SARDH: variants seen among roughly 807,000 people sequenced by gnomAD.
SARDH encodes sarcosine dehydrogenase.
SARDH carries 95 observed loss-of-function variants against 109.1 expected under a neutral mutation model. That is an observed-to-expected ratio of 0.87 (90% CI 0.74 to 1.03). The LOEUF (loss-of-function observed/expected upper bound fraction) is 1.03, where lower values mean the gene tolerates loss of function less well. Ranked by LOEUF, SARDH falls within the 50% of genes least tolerant of loss-of-function variation. SARDH has a pLI of 0.00. For missense variants in SARDH, 1,267 were observed against 1,287.8 expected (o/e 0.98, Z 0.25); for synonymous variants, 572 against 534.8 (o/e 1.07, Z -0.96).
At chr9:133,737,241 C>G (rs958437806) in intron 1 of SARDH, among the ~76,000 whole-genome samples, 2 of 152,186 alleles carry the variant, frequency 1.3e-5, no homozygotes, top group African/African-American at 2.4e-5. Flanking sequence ...GTCAGGGCTG[C>G]CCCCCATCTC....
chr9:133,716,151 G>A (rs1042281032), intron 8 of SARDH, among the ~76,000 whole-genome samples: 4 of 152,296 alleles, frequency 2.6e-5, no homozygotes, highest in East Asian at 3.9e-4. Flanking sequence ...CCTCCTGGCC[G>A]CCCGTCTGTG....
At chr9:133,691,169 AACACACACACACACAC>A (rs3081171) in intron 15 of SARDH, among the ~76,000 whole-genome samples, 27 of 112,192 alleles carry the variant, frequency 2.4e-4, no homozygotes, top group South Asian at 2.0e-3. Flanking sequence ...CACCTCCCCC[AACACACACACACACAC>A]ACACACACAC....
chr9:133,732,192 C>A (rs1310339327), intron 3 of SARDH, among the ~76,000 whole-genome samples: 1 of 152,074 alleles, frequency 6.6e-6, no homozygotes, highest in African/African-American at 2.4e-5. Context: ...GGGTGCCCAC[C>A]GACATGAGCC....
chr9:133,731,878 A>G (rs1402132824), intron 3 of SARDH, among the ~76,000 whole-genome samples: 1 of 152,132 alleles, frequency 6.6e-6, no homozygotes, highest in East Asian at 1.9e-4. Flanking sequence ...TTTGGGCCTG[A>G]GAGGTTTCCC....
chr9:133,669,855 A>G (rs1193922835), intron 19 of SARDH, among the ~76,000 whole-genome samples: 1 of 152,212 alleles, frequency 6.6e-6, no homozygotes, highest in East Asian at 1.9e-4. Flanking sequence ...CTGGGAGGTC[A>G]GGCTCCCTGG....
intron 1 of SARDH, among the ~76,000 whole-genome samples, chr9:133,736,635 A>G (rs1283783227): frequency 6.6e-6 from 1 of 152,202 alleles, no homozygotes; most frequent in Non-Finnish European, 1.5e-5. Context: ...ACCTCAGGTG[A>G]TCCGCCTGCC....
rs1359546031 is a variant in SARDH, at chr9:133,725,803, G to T, written c.915+3962C>A. On this transcript the variant is annotated intron_variant, in intron 6 of 20. Coordinates refer to ENST00000439388, the MANE Select transcript of SARDH (RefSeq NM_001134707.2). ...ACAAGACCGTTTAGAAAGCAAGCAGGCATGGCGTGTGGACTCCTCTGTACC... is the reference window on the plus strand; with the variant it reads ...ACAAGACCGTTTAGAAAGCAAGCAGTCATGGCGTGTGGACTCCTCTGTACC... The T allele has an allele frequency of 7.0e-5, 16 of 229,844 alleles. 1 individual carries two copies. In the South Asian group the frequency reaches 8.0e-4, roughly 12 times the overall value. 14.2% of individuals were successfully genotyped at this position (229,844 alleles called of 1,614,324 possible). A position where few individuals can be genotyped will look rare whatever the true frequency, so the allele number is the denominator to read the frequency against.
In SARDH at chr9:133,704,875, G is replaced by T. The variant is rs536004289; in HGVS notation, c.1554+73C>A. ...GCGGGGCACACGGAGGGGCAAGGAC[G>T]GGGCACGTGGAGGGGCAAGGGGGTT... On this transcript the variant is annotated intron_variant, in intron 12 of 20. Coordinates refer to ENST00000439388, the MANE Select transcript of SARDH (RefSeq NM_001134707.2). The surrounding 1 kb of genome is among the most constrained non-coding windows in gnomAD (Gnocchi z 4.5). 16 of 1,314,986 alleles carry T rather than the reference G, an allele frequency of 1.2e-5. No homozygotes were observed. Among genetic ancestry groups the T allele is most frequent in the Non-Finnish European group, 1.6e-5 (15 of 936,180 alleles). 81.5% of individuals were successfully genotyped at this position (1,314,986 alleles called of 1,614,324 possible).
chr9:133,713,114 C>T lies in SARDH; in HGVS notation c.1161G>A (p.Thr387=), dbSNP rs370661854. 8.2e-5 allele frequency: 132 copies of T among 1,612,968 alleles called. No homozygotes were observed. The highest frequency in any genetic ancestry group is 2.2e-4 in the South Asian group (20 of 90,890). ...KSTVCGPESF[T]PDHKPLMGEA... ...CCCCCATCAGGGGCTTGTGGTCGGG[C>T]GTGAAGGATTCTGAAAGAAGGAGAG... Residue 387 remains threonine, a synonymous_variant, in exon 9 of 21, where the codon ACG becomes ACA. Transcript: ENST00000439388.
chr9:133,665,638 G>A (rs1467552330), intron 20 of SARDH, among the ~76,000 whole-genome samples: 1 of 152,190 alleles, frequency 6.6e-6, no homozygotes, highest in Admixed American at 6.5e-5. Flanking sequence ...CTCCACCGCC[G>A]GACTCAGCCC....
intron 13 of SARDH, among the ~76,000 whole-genome samples, chr9:133,698,170 T>C (rs963088315): frequency 6.6e-6 from 1 of 152,076 alleles, no homozygotes; most frequent in Admixed American, 6.5e-5. Context: ...AAAATTATAT[T>C]TGTAATATCA....
Position 133,729,876 on chromosome 9 carries a change from A to G in SARDH, c.815-11T>C, listed in dbSNP as rs370041739. 3 of 1,610,844 alleles carry G rather than the reference A, an allele frequency of 1.9e-6. No homozygotes were observed. Among genetic ancestry groups the G allele is most frequent in the East Asian group, 2.2e-5 (1 of 44,876 alleles). On this transcript the variant is annotated splice_polypyrimidine_tract_variant and intron_variant, in intron 5 of 20. Coordinates refer to ENST00000439388, the MANE Select transcript of SARDH (RefSeq NM_001134707.2). ...CACTTGCCCACACTCCTGCGGGCAG[A>G]GCACAGACAGCTCAGCTCTGCTGAC...
intron 17 of SARDH, among the ~76,000 whole-genome samples, chr9:133,677,679 G>A (rs1220563472): frequency 6.6e-6 from 1 of 152,244 alleles, no homozygotes; most frequent in Non-Finnish European, 1.5e-5. Context: ...GCTGGGAACA[G>A]AGTCCCCTTC....
chr9:133,697,509 C>CA (rs1831327220), intron 13 of SARDH, among the ~76,000 whole-genome samples: 1 of 151,960 alleles, frequency 6.6e-6, no homozygotes, highest in South Asian at 2.1e-4. Flanking sequence ...AATATAGATA[C>CA]AAAAAAATCC....
In SARDH at chr9:133,697,722, C is replaced by T. The variant is rs182424808; in HGVS notation, c.1669-1361G>A. 2.8e-3 allele frequency among the ~76,000 whole-genome samples: 433 copies of T among 152,274 alleles called. 2 individuals are homozygous for T. The highest frequency in any genetic ancestry group is 1.0e-2 in the African/African-American group (415 of 41,576). On this transcript the variant is annotated intron_variant, in intron 13 of 20. Coordinates refer to ENST00000439388, the MANE Select transcript of SARDH (RefSeq NM_001134707.2). Reference sequence around the variant, plus strand: ...AAGTATTTGACAAAATTCACCCGTTCATGATAAAAACGCACAACAAACTAG... The same window carrying T: ...AAGTATTTGACAAAATTCACCCGTTTATGATAAAAACGCACAACAAACTAG...
chr9:133,732,295 C>T (rs895678551), intron 3 of SARDH, 128 bp downstream of exon 3: 24 of 627,820 alleles, frequency 3.8e-5, no homozygotes, highest in Non-Finnish European at 5.4e-5. Flanking sequence ...GAACCCCCAG[C>T]GTACCTCCAC....
At chr9:133,721,215 C>T (rs140942434) in intron 6 of SARDH, among the ~76,000 whole-genome samples, 181 of 152,266 alleles carry the variant, frequency 1.2e-3, no homozygotes, top group African/African-American at 4.3e-3. Context: ...GAGGCCTGCA[C>T]CAAGGCCACG....
intron 7 of SARDH, 132 bp from the exon 8 acceptor site, chr9:133,717,587 C>T (rs1832173492): frequency 1.5e-6 from 2 of 1,313,680 alleles, no homozygotes; most frequent in Non-Finnish European, 2.1e-6. Context: ...TGGTGGTCAC[C>T]CACACGTCCC....
chr9:133,696,973 G>A (rs1192627567), intron 13 of SARDH, among the ~76,000 whole-genome samples: 1 of 152,032 alleles, frequency 6.6e-6, no homozygotes, highest in Non-Finnish European at 1.5e-5. Flanking sequence ...TGTTAGAACA[G>A]AAATAAGAAT....
Sources: allele counts gnomAD v4.1 joint callset (sites outside exome capture counted in the v4.1 genomes callset), GRCh38; gene constraint gnomAD v4.1.1; non-coding constraint Gnocchi (gnomAD v3.1); transcripts MANE v1.5; gene names NCBI Gene and HGNC (gene_info 2026-07-23, HGNC 2026-07-21).